The following NBAS variants were observed in gnomAD, a reference collection of about 807,000 sequenced individuals.
The protein encoded by NBAS is NAG/BC035112 fusion.
NBAS carries 219 observed loss-of-function variants against 302.5 expected under a neutral mutation model. The ratio of observed to expected loss-of-function variants is 0.72; its 90% confidence interval spans 0.65 to 0.81. NBAS has a LOEUF of 0.81. Among genes scored for constraint, NBAS ranks in the 30% least tolerant of loss-of-function variants. The pLI is 0.00. For missense variants in NBAS, 2,932 were observed against 2,841.6 expected (o/e 1.03, Z -0.72); for synonymous variants, 1,118 against 1,021.6 (o/e 1.09, Z -1.80).
the NBAS span, among the ~76,000 whole-genome samples, chr2:14,848,769 C>T: frequency 1.3e-5 from 2 of 151,930 alleles, no homozygotes; most frequent in South Asian, 2.1e-4. Context: ...GTCCCTGACC[C>T]CTGACCCCTG....
intron 40 of NBAS, among the ~76,000 whole-genome samples, chr2:15,296,658 C>T (rs1670563706): frequency 6.6e-6 from 1 of 152,058 alleles, no homozygotes; most frequent in Non-Finnish European, 1.5e-5. Context: ...TAGTGAGACC[C>T]TGTCTCCACA....
intron 21 of NBAS, among the ~76,000 whole-genome samples, chr2:15,442,311 C>A (rs1462119683): frequency 1.4e-5 from 2 of 147,470 alleles, no homozygotes; most frequent in East Asian, 2.0e-4. Flanking sequence ...TCTCTCAGAC[C>A]ACAGTGCAAT....
chr2:15,034,235 G>GAAAGAAA, the NBAS span, among the ~76,000 whole-genome samples: 6,429 of 81,244 alleles, frequency 0.079, 1,131 homozygotes, highest in East Asian at 0.17. Flanking sequence ...AAAGAAAGAA[G>GAAAGAAA]GAAAGAAAGA....
At position 15,439,305 on chromosome 2, in the gene NBAS, TAAAAAAA is replaced by T. The variant is rs74898089; in HGVS notation, c.2340-11518_2340-11512del. On this transcript the variant is annotated intron_variant, in intron 21 of 51. Transcript: ENST00000281513. Reference sequence around the variant, plus strand: ...CCAAAGAGCAAGACTCGGTCTCAAATAAAAAAAAAAAAAAAAAAAAGAATATTACCCC... The same window carrying T: ...CCAAAGAGCAAGACTCGGTCTCAAATAAAAAAAAAAAAAGAATATTACCCC... Among the ~76,000 whole-genome samples, 3 of 74,398 alleles carry T rather than the reference TAAAAAAA, an allele frequency of 4.0e-5. No homozygotes were observed. The Admixed American group carries it at 4.9e-4, about 12-fold the overall frequency. The allele number at this position is 74,398 out of a possible 152,430, so 48.8% of individuals were successfully genotyped here. A position where few individuals can be genotyped will look rare whatever the true frequency, so the allele number is the denominator to read the frequency against.
chr2:14,986,315 C>G, the NBAS span, among the ~76,000 whole-genome samples: 7,031 of 151,924 alleles, frequency 0.046, 403 homozygotes, highest in African/African-American at 0.11. Flanking sequence ...CTCCTGCCAA[C>G]ATATAGAGTA....
chr2:15,064,304 A>C, the NBAS span, among the ~76,000 whole-genome samples: 2 of 23,592 alleles, frequency 8.5e-5, no homozygotes, highest in East Asian at 0.015. Context: ...AAAAGACTCA[A>C]AAAAAAAAAA....
At chr2:15,034,012 GAAGAAGAAGAAGAA>G in the NBAS span, among the ~76,000 whole-genome samples, 1,069 of 51,016 alleles carry the variant, frequency 0.021, 38 homozygotes, top group African/African-American at 0.1. Context: ...AGAAGAAGAA[GAAGAAGAAGAAGAA>G]GAGGAGGAGG....
chr2:14,865,723 T>C, the NBAS span, among the ~76,000 whole-genome samples: 1 of 152,206 alleles, frequency 6.6e-6, no homozygotes, highest in African/African-American at 2.4e-5. Context: ...AATATAGTAA[T>C]ACACATACAG....
the NBAS span, among the ~76,000 whole-genome samples, chr2:15,033,411 CAAACTTT>C: frequency 1.4e-4 from 12 of 83,406 alleles, no homozygotes; most frequent in East Asian, 5.2e-4. Flanking sequence ...AATAAGACTT[CAAACTTT>C]AGACTTTAGA....
At chr2:15,451,790 T>C (rs1305885932) in intron 21 of NBAS, among the ~76,000 whole-genome samples, 1 of 152,144 alleles carries the variant, frequency 6.6e-6, no homozygotes, top group African/African-American at 2.4e-5. Context: ...ACTCTCTTTA[T>C]CACCAAAAGA....
the NBAS span, among the ~76,000 whole-genome samples, chr2:15,080,244 T>C: frequency 6.6e-6 from 1 of 152,194 alleles, no homozygotes; most frequent in Non-Finnish European, 1.5e-5. Context: ...AGAATCATGA[T>C]GGTCAATTGT....
chr2:14,964,042 C>T, the NBAS span, among the ~76,000 whole-genome samples: 1 of 152,134 alleles, frequency 6.6e-6, no homozygotes, highest in African/African-American at 2.4e-5. Flanking sequence ...TGTTTCTAAG[C>T]AACTTAGCTT....
At chr2:15,161,730 A>T in the NBAS span, among the ~76,000 whole-genome samples, 5 of 152,286 alleles carry the variant, frequency 3.3e-5, no homozygotes, top group Non-Finnish European at 5.9e-5. Flanking sequence ...TTTCTCAGGC[A>T]TTAGGAGATC....
At chr2:15,163,109 CT>C (rs947412098), downstream of NBAS, among the ~76,000 whole-genome samples, 1 of 152,224 alleles carries the variant, frequency 6.6e-6, no homozygotes, top group Non-Finnish European at 1.5e-5. Flanking sequence ...CTAAATCTAG[CT>C]GCAGGTTCAA....
intron 42 of NBAS, among the ~76,000 whole-genome samples, chr2:15,280,116 A>G (rs1262914386): frequency 1.3e-5 from 2 of 152,222 alleles, no homozygotes; most frequent in Non-Finnish European, 2.9e-5. Flanking sequence ...GTTGCACTCA[A>G]TGCACAGAAA....
intron 36 of NBAS, among the ~76,000 whole-genome samples, chr2:15,328,818 C>A (rs773308964): frequency 6.6e-6 from 1 of 152,114 alleles, no homozygotes; most frequent in Non-Finnish European, 1.5e-5. Context: ...CCACCTCAAC[C>A]AAACTGCCTG....
chr2:15,357,362 C>T (rs1420433264), intron 32 of NBAS, among the ~76,000 whole-genome samples: 1 of 152,216 alleles, frequency 6.6e-6, no homozygotes, highest in East Asian at 1.9e-4. Flanking sequence ...CCCTGAACTA[C>T]TGTGAGTTTG....
At chr2:15,446,758 G>T (rs1275475919) in intron 21 of NBAS, among the ~76,000 whole-genome samples, 1 of 151,992 alleles carries the variant, frequency 6.6e-6, no homozygotes, top group Non-Finnish European at 1.5e-5. Context: ...GCAAAAGCCA[G>T]AAGGAGGAAA....
At chr2:15,308,151 G>C in intron 40 of NBAS, 65 bp downstream of exon 40, 13 of 1,607,716 alleles carry the variant, frequency 8.1e-6, no homozygotes, top group Non-Finnish European at 1.1e-5. Flanking sequence ...TTAAACACGT[G>C]TTTTGAGTAT....
Sources: allele counts gnomAD v4.1 joint callset (sites outside exome capture counted in the v4.1 genomes callset), GRCh38; gene constraint gnomAD v4.1.1; transcripts MANE v1.5; gene names NCBI Gene and HGNC (gene_info 2026-07-23, HGNC 2026-07-21).